NMT2: variants seen among roughly 807,000 people sequenced by gnomAD.
The protein encoded by NMT2 is glycylpeptide N-tetradecanoyltransferase 2.
In NMT2, 35 loss-of-function variants were observed where a neutral mutation model predicts 65.4. That is an observed-to-expected ratio of 0.54 (90% CI 0.41 to 0.71). The LOEUF (loss-of-function observed/expected upper bound fraction) is 0.71, where lower values mean the gene tolerates loss of function less well. Among genes scored for constraint, NMT2 ranks in the 30% least tolerant of loss-of-function variants. The pLI is 0.00. For missense variants in NMT2, 489 were observed against 611.3 expected (o/e 0.80, Z 2.11); for synonymous variants, 226 against 231.8 (o/e 0.98, Z 0.23).
At position 15,142,832 on chromosome 10, in the gene NMT2, C is replaced by T. The variant is rs147376995; in HGVS notation, c.111-1275G>A. 2.9e-3 allele frequency among the ~76,000 whole-genome samples: 437 copies of T among 152,276 alleles called. 3 individuals carry two copies. Among genetic ancestry groups the T allele is most frequent in the African/African-American group, 9.8e-3 (408 of 41,556 alleles). ...CAATTGGGATTAAACAAACATATCA[C>T]AGCCAGGTACATGAGCTAGAAATAT... On this transcript the variant is annotated intron_variant, in intron 1 of 11. Transcript: ENST00000378165.
chr10:15,168,518 G>A lies in NMT2; in HGVS notation c.95C>T (p.Thr32Met), dbSNP rs1281424503. Residue 32 changes from threonine (T) to methionine (M), a missense_variant, in exon 1 of 12, where the codon ACG becomes ATG. Thr to Met is a moderately conservative substitution (Grantham distance 81, BLOSUM62 -1). Coordinates refer to ENST00000378165, the MANE Select transcript of NMT2 (RefSeq NM_004808.3). ...CGIDGDNEEE[T>M]EHAKGSPGGY... is the part of the protein sequence containing the mutation. ...CCGCCCCTACCCTTTGGCGTGCTCC[G>A]TCTCCTCCTCATTGTCCCCGTCTAT... 6.3e-7 allele frequency: 1 copy of A among 1,586,416 alleles called. No homozygotes were observed. Among genetic ancestry groups the A allele is most frequent in the East Asian group, 2.4e-5 (1 of 41,606 alleles).
chr10:15,109,580 A>G (rs1381494377), intron 11 of NMT2, 122 bp downstream of exon 11: 3 of 791,382 alleles, frequency 3.8e-6, no homozygotes, highest in African/African-American at 1.8e-5. Context: ...CAAAAAAATA[A>G]ATAAATAAAT....
intron 1 of NMT2, among the ~76,000 whole-genome samples, chr10:15,152,340 T>C (rs554729192): frequency 6.6e-6 from 1 of 151,978 alleles, no homozygotes; most frequent in Non-Finnish European, 1.5e-5. Flanking sequence ...AAGAAACAAA[T>C]AAATTTTTTA....
intron 1 of NMT2, among the ~76,000 whole-genome samples, chr10:15,158,273 G>A (rs1160150813): frequency 4.0e-5 from 6 of 150,754 alleles, no homozygotes; most frequent in African/African-American, 9.8e-5. Flanking sequence ...CCAAGATCAC[G>A]CCACTGCACT....
intron 1 of NMT2, among the ~76,000 whole-genome samples, chr10:15,149,142 A>G (rs1388770842): frequency 6.7e-6 from 1 of 150,298 alleles, no homozygotes; most frequent in Admixed American, 6.6e-5. Flanking sequence ...CGCCACTACC[A>G]TTGATCGCCA....
intron 1 of NMT2, chr10:15,154,913 C>CA: frequency 2.2e-6 from 2 of 921,226 alleles, no homozygotes; most frequent in Non-Finnish European, 3.6e-6. Context: ...TGCCAGAGAC[C>CA]ACATGCTTGC....
chr10:15,128,198 C>T (rs1846161646), intron 8 of NMT2, 152 bp downstream of exon 8: 1 of 624,898 alleles, frequency 1.6e-6, no homozygotes, highest in Admixed American at 3.2e-5. Context: ...TCCCTACCTT[C>T]CCTAGCTCCC....
intron 1 of NMT2, chr10:15,155,010 G>A (rs1316436865): frequency 1.7e-6 from 2 of 1,189,438 alleles, no homozygotes; most frequent in Non-Finnish European, 2.5e-6. Flanking sequence ...CAAGATGCCA[G>A]GACCTGTATG....
At chr10:15,109,265 A>G (rs777449267) in intron 11 of NMT2, 50 bp from the exon 12 acceptor site, 23 of 1,593,612 alleles carry the variant, frequency 1.4e-5, no homozygotes, top group Non-Finnish European at 2.0e-5. Context: ...ATTGCAATGT[A>G]GTACAATAGA....
Position 15,108,747 on chromosome 10 carries a change from A to C in NMT2, c.*448T>G. 2.0e-6 allele frequency: 2 copies of C among 1,019,088 alleles called. No individual in the cohort carries two copies. The highest frequency in any genetic ancestry group is 2.3e-6 in the Non-Finnish European group (2 of 853,076). The allele number at this position is 1,019,088 out of a possible 1,614,324, so 63.1% of individuals were successfully genotyped here. A position where few individuals can be genotyped will look rare whatever the true frequency, so the allele number is the denominator to read the frequency against. On this transcript the variant is annotated 3_prime_UTR_variant, in exon 12 of 12. Transcript: ENST00000378165. ...ATGTAAGGTGATACCAGTAAAAAAA[A>C]TTTCCAAATGGATCTTTTGTTCTGT...
rs113635622 is a variant in NMT2 at position 15,130,198 on chromosome 10, G to T, written c.834C>A (p.Ile278=). The change falls in exon 7 of 12, where the codon ATC becomes ATA. Residue 278 remains isoleucine, a synonymous_variant. Transcript: ENST00000378165. ...EITRRVNLEG[I]FQAVYTAGVV... ...CTCCCGCGGTGTACACAGCCTGGAA[G>T]ATCCCTTCCAGGTTCACTCTTCTAG... 7.8e-5 allele frequency: 126 copies of T among 1,605,156 alleles called. 1 individual carries two copies. In the African/African-American group the frequency reaches 1.0e-3, roughly 13 times the overall value.
chr10:15,146,080 C>T lies in NMT2; in HGVS notation c.111-4523G>A, dbSNP rs183451051. ...CATGTGGCCCTTTAAAAAGATTCCT[C>T]GGTCTTCAAGAACTCAAGTCCCACC... On this transcript the variant is annotated intron_variant, in intron 1 of 11. Transcript: ENST00000378165. Among the ~76,000 whole-genome samples the T allele has an allele frequency of 3.2e-4, 48 of 152,292 alleles. No individual in the cohort carries two copies. The East Asian group carries it at 6.2e-3, about 20-fold the overall frequency.
At chr10:15,127,868 G>A (rs1254225839) in intron 8 of NMT2, among the ~76,000 whole-genome samples, 3 of 150,212 alleles carry the variant, frequency 2.0e-5, no homozygotes, top group East Asian at 1.9e-4. Flanking sequence ...GTGCCATTGC[G>A]CTGAAGGGGC....
In NMT2 at chr10:15,108,191, T is replaced by C. The variant is rs568298012; in HGVS notation, c.*1004A>G. On this transcript the variant is annotated 3_prime_UTR_variant, in exon 12 of 12. Transcript: ENST00000378165. ...TAGTCGCGGGTACAGGCTCTTTCTT[T>C]TTTTTTTTTTTTGAGACGGAGTCTC... 8.1e-6 allele frequency: 7 copies of C among 866,192 alleles called. No homozygotes were observed. The highest frequency in any genetic ancestry group is 1.1e-4 in the South Asian group (2 of 18,964). 53.7% of individuals were successfully genotyped at this position (866,192 alleles called of 1,614,324 possible). A position where few individuals can be genotyped will look rare whatever the true frequency, so the allele number is the denominator to read the frequency against.
intron 8 of NMT2, among the ~76,000 whole-genome samples, chr10:15,127,109 C>A (rs1372200187): frequency 6.6e-6 from 1 of 151,792 alleles, no homozygotes; most frequent in East Asian, 1.9e-4. Flanking sequence ...GTGGCACACA[C>A]CTGTAATTCC....
chr10:15,112,241 T>C (rs1212256321), intron 10 of NMT2, among the ~76,000 whole-genome samples: 6 of 78,114 alleles, frequency 7.7e-5, no homozygotes, highest in Non-Finnish European at 1.5e-4. Flanking sequence ...TTTTTTTTTT[T>C]TTTTTTTTTT....
intron 1 of NMT2, among the ~76,000 whole-genome samples, chr10:15,149,257 T>TCATCAC (rs1588444598): frequency 1.9e-5 from 1 of 51,726 alleles, no homozygotes; most frequent in African/African-American, 7.7e-5. Context: ...ATCATCACCA[T>TCATCAC]CACCATCGCC....
At chr10:15,152,950 C>A (rs772167829) in intron 1 of NMT2, among the ~76,000 whole-genome samples, 4 of 152,190 alleles carry the variant, frequency 2.6e-5, no homozygotes, top group Admixed American at 6.5e-5. Flanking sequence ...TTAAAACTAC[C>A]TTACTGTCTA....
chr10:15,148,325 C>A (rs376651903), intron 1 of NMT2, among the ~76,000 whole-genome samples: 1 of 152,116 alleles, frequency 6.6e-6, no homozygotes, highest in Non-Finnish European at 1.5e-5. Context: ...GCCTGAGCAA[C>A]ATACCAAAAC....
Sources: allele counts gnomAD v4.1 joint callset (sites outside exome capture counted in the v4.1 genomes callset), GRCh38; gene constraint gnomAD v4.1.1; transcripts MANE v1.5; gene names NCBI Gene and HGNC (gene_info 2026-07-23, HGNC 2026-07-21).